Variants in ROBO1 observed in about 807,000 individuals in gnomAD.
ROBO1 encodes the protein roundabout guidance receptor 1, also known as roundabout homolog 1.
In ROBO1, 149 loss-of-function variants were observed where a neutral mutation model predicts 195.9. The ratio of observed to expected loss-of-function variants is 0.76; its 90% CI spans 0.67 to 0.87. ROBO1 has a LOEUF of 0.87. Ranked by LOEUF, ROBO1 falls within the 40% of genes least tolerant of loss-of-function variation. ROBO1 has a pLI of 0.00. For synonymous variants in ROBO1, 816 were observed against 733.2 expected (o/e 1.11, Z -1.82); for missense variants, 1,933 against 2,068.3 (o/e 0.93, Z 1.27).
intron 10 of ROBO1, among the ~76,000 whole-genome samples, chr3:78,679,954 A>G (rs2080852818): frequency 6.6e-6 from 1 of 152,250 alleles, no homozygotes; most frequent in South Asian, 2.1e-4. Flanking sequence ...ACAGTAACCA[A>G]AACAGCATGG....
Position 79,630,789 on chromosome 3 carries a change from T to C in ROBO1, c.-50-40828A>G, listed in dbSNP as rs1036413304. Among the ~76,000 whole-genome samples the C allele has an allele frequency of 4.7e-4, 71 of 151,996 alleles. 1 individual carries two copies. The highest frequency in any genetic ancestry group is 4.4e-5 in the Non-Finnish European group (3 of 67,946). On this transcript the variant is annotated intron_variant, in intron 1 of 30. Coordinates refer to ENST00000464233, the MANE Select transcript of ROBO1 (RefSeq NM_002941.4). ...TAGCGATATCAGTAAAGTTTCATGA[T>C]ACAAAATCAACATAAAAAAATCAGT...
chr3:79,478,788 G>A (rs1938676667), intron 2 of ROBO1, among the ~76,000 whole-genome samples: 1 of 152,242 alleles, frequency 6.6e-6, no homozygotes, highest in Middle Eastern at 3.4e-3. Context: ...GCTTTGCTTA[G>A]TGCTTTATAA....
At chr3:78,973,321 A>G (rs1239444984) in intron 3 of ROBO1, among the ~76,000 whole-genome samples, 1 of 151,410 alleles carries the variant, frequency 6.6e-6, no homozygotes, top group East Asian at 2.0e-4. Flanking sequence ...AAGCCTTGTT[A>G]GACCAATATC....
At chr3:79,078,951 CT>C (rs1376616565) in intron 3 of ROBO1, among the ~76,000 whole-genome samples, 1 of 151,742 alleles carries the variant, frequency 6.6e-6, no homozygotes, top group Non-Finnish European at 1.5e-5. Flanking sequence ...TGAATTCACA[CT>C]ATCATCAAAG....
chr3:78,950,072 A>C (rs1158434841), intron 3 of ROBO1, among the ~76,000 whole-genome samples: 10 of 152,132 alleles, frequency 6.6e-5, no homozygotes, highest in African/African-American at 2.2e-4. Context: ...GGGACTGTAA[A>C]CTAGTTCAAC....
chr3:78,647,763 A>G lies in ROBO1; in HGVS notation c.2813-108T>C, dbSNP rs1399364871. On this transcript the variant is annotated intron_variant, in intron 19 of 30. Coordinates refer to ENST00000464233, the MANE Select transcript of ROBO1 (RefSeq NM_002941.4). ...ACAGCTGAACATAAAACAAATGTAA[A>G]TAACTAAGCCAGTAGTTCTGACAAT... 6 of 943,640 alleles carry G rather than the reference A, an allele frequency of 6.4e-6. No homozygotes were observed. In the African/African-American group the frequency reaches 9.8e-5, roughly 15 times the overall value. 58.5% of individuals were successfully genotyped at this position (943,640 alleles called of 1,614,324 possible).
rs185076059 is a variant in ROBO1, at chr3:79,425,807, T to A, written c.88+164017A>T. Among the ~76,000 whole-genome samples, 437 of 152,186 alleles carry A rather than the reference T, an allele frequency of 2.9e-3. 2 individuals are homozygous for A. The highest frequency in any genetic ancestry group is 9.1e-3 in the African/African-American group (379 of 41,542). Reference sequence around the variant, plus strand: ...ACAGAAAACCGAGTGACCATTTCCCTAGCTACAAATTGGAATAGAGAGGAA... The same window carrying A: ...ACAGAAAACCGAGTGACCATTTCCCAAGCTACAAATTGGAATAGAGAGGAA... On this transcript the variant is annotated intron_variant, in intron 2 of 30. Coordinates refer to ENST00000464233, the MANE Select transcript of ROBO1 (RefSeq NM_002941.4).
intron 26 of ROBO1, among the ~76,000 whole-genome samples, chr3:78,624,135 G>C (rs1442880707): frequency 2.0e-5 from 3 of 152,098 alleles, no homozygotes; most frequent in Non-Finnish European, 4.4e-5. Context: ...TCAGTGAAAA[G>C]GGTAGTTTAT....
At chr3:79,260,107 A>AATAT (rs145703074) in intron 2 of ROBO1, among the ~76,000 whole-genome samples, 30 of 145,898 alleles carry the variant, frequency 2.1e-4, no homozygotes, top group East Asian at 9.9e-4. Context: ...CACACACACA[A>AATAT]ATATATATAT....
At chr3:79,080,330 T>C (rs2079249406) in intron 3 of ROBO1, among the ~76,000 whole-genome samples, 1 of 151,926 alleles carries the variant, frequency 6.6e-6, no homozygotes, top group Non-Finnish European at 1.5e-5. Context: ...AGCTGTCTTC[T>C]CATTGTCCAT....
At chr3:79,694,859 C>CT (rs1947397071) in intron 1 of ROBO1, among the ~76,000 whole-genome samples, 1 of 151,414 alleles carries the variant, frequency 6.6e-6, no homozygotes, top group Non-Finnish European at 1.5e-5. Flanking sequence ...ATAACTTAAG[C>CT]TTTTTTGAAA....
chr3:78,845,326 C>T (rs889535578), intron 4 of ROBO1, among the ~76,000 whole-genome samples: 1 of 79,530 alleles, frequency 1.3e-5, no homozygotes, highest in African/African-American at 5.1e-5. Context: ...AAATTGTTTA[C>T]ACCTTAAAGT....
rs183317043 is a variant in ROBO1 at position 79,161,278 on chromosome 3, T to C, written c.89-35739A>G. On this transcript the variant is annotated intron_variant, in intron 2 of 30. Transcript: ENST00000464233. ...ATGATCCTGACTGCTGCATCTCTTCTACAATGACAAAATATTTTTGAGTAA... is the reference window on the plus strand; with the variant it reads ...ATGATCCTGACTGCTGCATCTCTTCCACAATGACAAAATATTTTTGAGTAA... 5.3e-3 allele frequency among the ~76,000 whole-genome samples: 809 copies of C among 152,244 alleles called. 1 individual carries two copies. The highest frequency in any genetic ancestry group is 0.01 in the Middle Eastern group (3 of 294).
At chr3:79,309,410 T>A (rs2033377461) in intron 2 of ROBO1, among the ~76,000 whole-genome samples, 1 of 151,916 alleles carries the variant, frequency 6.6e-6, no homozygotes, top group Non-Finnish European at 1.5e-5. Context: ...TCTTGCCCCG[T>A]CTCTACAAAA....
chr3:79,026,364 T>C (rs955147375), intron 3 of ROBO1, among the ~76,000 whole-genome samples: 4 of 152,134 alleles, frequency 2.6e-5, no homozygotes, highest in Non-Finnish European at 4.4e-5. Context: ...TTTTTACAGA[T>C]TCAGTTCTAG....
chr3:79,664,006 A>G (rs974142052), intron 1 of ROBO1, among the ~76,000 whole-genome samples: 3 of 152,104 alleles, frequency 2.0e-5, no homozygotes, highest in Non-Finnish European at 4.4e-5. Flanking sequence ...AGCTGAAACT[A>G]AACTTTTAAT....
intron 2 of ROBO1, among the ~76,000 whole-genome samples, chr3:79,408,467 T>G (rs1244842688): frequency 6.6e-6 from 1 of 152,024 alleles, no homozygotes; most frequent in African/African-American, 2.4e-5. Flanking sequence ...TTTCTTGCCT[T>G]CTTGGAGTTT....
chr3:79,540,720 T>C (rs1942033865), intron 2 of ROBO1, among the ~76,000 whole-genome samples: 1 of 152,174 alleles, frequency 6.6e-6, no homozygotes, highest in Non-Finnish European at 1.5e-5. Flanking sequence ...ACTAGGTTTC[T>C]TCTTTAATCT....
At chr3:79,197,883 GT>G (rs71631638) in intron 2 of ROBO1, among the ~76,000 whole-genome samples, 24,349 of 145,236 alleles carry the variant, frequency 0.17, 3,519 homozygotes, top group African/African-American at 0.4. Context: ...TTTTTGATGG[GT>G]TTTTTTTTTT....
Sources: gnomAD v4.1 joint callset for allele counts (sites outside exome capture counted in the v4.1 genomes callset) on GRCh38, gnomAD v4.1.1 for gene constraint, MANE v1.5 for transcripts, NCBI Gene and HGNC (gene_info 2026-07-23, HGNC 2026-07-21) for gene names.